The following TYR variants were observed in gnomAD, a reference collection of about 807,000 sequenced individuals.
TYR encodes the protein LB24-AB.
TYR carries 58 observed loss-of-function variants against 51.5 expected under a neutral mutation model. That is an observed-to-expected ratio of 1.13 (90% confidence interval 0.91 to 1.40). The LOEUF is 1.40. Ranked by LOEUF, TYR falls within the 40% of genes most tolerant of loss-of-function variation. TYR has a pLI of 0.00. For missense variants in TYR, 732 were observed against 647.4 expected (o/e 1.13, Z -1.42); for synonymous variants, 263 against 235.2 (o/e 1.12, Z -1.08).
chr11:89,198,769 A>ATATATATATATATATATATATTT (rs951676764), intron 2 of TYR, among the ~76,000 whole-genome samples: 2 of 151,014 alleles, frequency 1.3e-5, no homozygotes, highest in African/African-American at 4.9e-5. Flanking sequence ...ATATATATAT[A>ATATATATATATATATATATATTT]TTTTTATACT....
At chr11:89,278,377 T>C (rs1000514378) in intron 3 of TYR, among the ~76,000 whole-genome samples, 8 of 151,728 alleles carry the variant, frequency 5.3e-5, no homozygotes, top group Admixed American at 4.6e-4. Flanking sequence ...GGCAGAAAAC[T>C]TCACCAATGC....
chr11:89,191,471 C>G (rs897823199), intron 2 of TYR, 53 bp downstream of exon 2: 6 of 1,543,654 alleles, frequency 3.9e-6, no homozygotes, highest in Non-Finnish European at 4.5e-6. Flanking sequence ...TATTTACAGT[C>G]TCTTATCCAA....
At chr11:89,265,397 T>C (rs773574313) in intron 3 of TYR, among the ~76,000 whole-genome samples, 5 of 152,096 alleles carry the variant, frequency 3.3e-5, no homozygotes, top group Admixed American at 6.6e-5. Context: ...CTTCGCCACT[T>C]GGCTGTGGAG....
intron 3 of TYR, among the ~76,000 whole-genome samples, chr11:89,279,915 T>G (rs1944701368): frequency 6.6e-6 from 1 of 151,750 alleles, no homozygotes. Flanking sequence ...ACATAATTAT[T>G]TGAATTCTTT....
intron 3 of TYR, among the ~76,000 whole-genome samples, chr11:89,277,538 C>T (rs1409333839): frequency 6.6e-6 from 1 of 151,724 alleles, no homozygotes; most frequent in Non-Finnish European, 1.5e-5. Flanking sequence ...TAATCTTACT[C>T]TGAAATCCAG....
intron 1 of TYR, among the ~76,000 whole-genome samples, chr11:89,186,959 G>A (rs1037408858): frequency 1.3e-5 from 2 of 152,136 alleles, no homozygotes; most frequent in African/African-American, 4.8e-5. Context: ...ACATAAGAGA[G>A]GCCTCAGCAG....
intron 4 of TYR, among the ~76,000 whole-genome samples, chr11:89,292,328 T>C (rs1944861131): frequency 6.6e-6 from 1 of 152,046 alleles, no homozygotes; most frequent in Non-Finnish European, 1.5e-5. Context: ...ATGATGACAA[T>C]ATACTATTGG....
In TYR at chr11:89,178,421, T is replaced by C; in HGVS notation, c.468T>C (p.Tyr156=). The change falls in exon 1 of 5, where the codon TAT becomes TAC. Residue 156 remains tyrosine, a synonymous_variant. Coordinates refer to ENST00000263321, the MANE Select transcript of TYR (RefSeq NM_000372.5). ...SSDYVIPIGT[Y]GQMKNGSTPM... ...ACTATGTCATCCCCATAGGGACCTATGGCCAAATGAAAAATGGATCAACAC... is the reference window on the plus strand; with the variant it reads ...ACTATGTCATCCCCATAGGGACCTACGGCCAAATGAAAAATGGATCAACAC... 9 of 1,614,108 alleles carry C rather than the reference T, an allele frequency of 5.6e-6. No individual in the cohort carries two copies. Among genetic ancestry groups the C allele is most frequent in the Non-Finnish European group, 7.6e-6 (9 of 1,180,012 alleles).
chr11:89,192,830 A>C (rs1039008443), intron 2 of TYR, among the ~76,000 whole-genome samples: 1 of 152,194 alleles, frequency 6.6e-6, no homozygotes, highest in African/African-American at 2.4e-5. Flanking sequence ...GATTGTATTT[A>C]TTATTCCCAC....
rs186219466 is a variant in TYR at position 89,200,044 on chromosome 11, A to T, written c.1036+8626A>T. On this transcript the variant is annotated intron_variant, in intron 2 of 4. Transcript: ENST00000263321. ...CATTAGCAATACATATTGCAAATAA[A>T]ATTTATAACTCTATTTTATGCATTT... is the stretch of plus-strand genomic sequence containing the variant. Among the ~76,000 whole-genome samples, 45 of 152,346 alleles carry T rather than the reference A, an allele frequency of 3.0e-4. No homozygotes were observed. In the East Asian group the frequency reaches 7.7e-3, roughly 26 times the overall value.
chr11:89,290,477 C>T (rs962060057), intron 4 of TYR, among the ~76,000 whole-genome samples: 4 of 151,966 alleles, frequency 2.6e-5, no homozygotes, highest in African/African-American at 7.2e-5. Context: ...ATGTATCCTG[C>T]CTTTTTTTGG....
At chr11:89,256,946 G>A (rs1423176045) in intron 3 of TYR, among the ~76,000 whole-genome samples, 1 of 151,898 alleles carries the variant, frequency 6.6e-6, no homozygotes, top group Non-Finnish European at 1.5e-5. Flanking sequence ...AGAGAGGGAT[G>A]TAGGGGTGTG....
At chr11:89,231,859 C>T (rs1331413503) in intron 3 of TYR, among the ~76,000 whole-genome samples, 1 of 139,978 alleles carries the variant, frequency 7.1e-6, no homozygotes, top group African/African-American at 2.9e-5. Context: ...GTGGTGTGCG[C>T]TTGTGATCAC....
intron 3 of TYR, among the ~76,000 whole-genome samples, chr11:89,247,174 C>A (rs1459204338): frequency 6.6e-6 from 1 of 152,128 alleles, no homozygotes; most frequent in Non-Finnish European, 1.5e-5. Context: ...AGCTCTTATA[C>A]CACTCTGTGC....
At chr11:89,241,540 T>C (rs934098162) in intron 3 of TYR, among the ~76,000 whole-genome samples, 32 of 151,968 alleles carry the variant, frequency 2.1e-4, no homozygotes, top group South Asian at 2.1e-4. Flanking sequence ...AATGAATCTA[T>C]TCACTCATTA....
rs1241583521 is a variant in TYR, at chr11:89,234,421, A to C, written c.1184+6451A>C. ...TGTGTTTACTGGAGTAGCACTTTGC[A>C]TTTCCTTCAAGAACTTTTCTTTTGC... On this transcript the variant is annotated intron_variant, in intron 3 of 4. Coordinates refer to ENST00000263321, the MANE Select transcript of TYR (RefSeq NM_000372.5). Among the ~76,000 whole-genome samples, 2 of 143,488 alleles carry C rather than the reference A, an allele frequency of 1.4e-5. 1 individual carries two copies. The highest frequency in any genetic ancestry group is 5.5e-5 in the African/African-American group (2 of 36,338). The allele number at this position is 143,488 out of a possible 152,430, so 94.1% of individuals were successfully genotyped here.
intron 3 of TYR, among the ~76,000 whole-genome samples, chr11:89,238,909 T>C (rs1276406832): frequency 2.0e-5 from 3 of 152,170 alleles, no homozygotes; most frequent in Admixed American, 2.0e-4. Flanking sequence ...TTAACTATCC[T>C]TGCATCTTTG....
chr11:89,288,531 G>C (rs1944819874), intron 4 of TYR, among the ~76,000 whole-genome samples: 1 of 151,918 alleles, frequency 6.6e-6, no homozygotes, highest in South Asian at 2.1e-4. Context: ...GAAGCTTGAA[G>C]GTATTTATTT....
chr11:89,295,102 G>T, intron 4 of TYR, 41 bp from the exon 5 acceptor site: 1 of 1,608,130 alleles, frequency 6.2e-7, no homozygotes, highest in Admixed American at 1.7e-5. Context: ...TCGTAACAAT[G>T]GTGGTAACAA....
Sources: gnomAD v4.1 joint callset for allele counts (sites outside exome capture counted in the v4.1 genomes callset) on GRCh38, gnomAD v4.1.1 for gene constraint, MANE v1.5 for transcripts, NCBI Gene and HGNC (gene_info 2026-07-23, HGNC 2026-07-21) for gene names.